Variants in NR2C2 observed in about 807,000 individuals in gnomAD.
NR2C2 encodes Nuclear hormone receptor TR4.
NR2C2 carries 6 observed loss-of-function variants against 62.9 expected under a neutral mutation model. The ratio of observed to expected loss-of-function variants is 0.10; its 90% CI spans 0.05 to 0.19. NR2C2 has a LOEUF of 0.19. NR2C2 is among the 10% of genes least tolerant of loss of function. The probability of loss-of-function intolerance (pLI) is 1.00; values close to 1 mark genes in which losing one functional copy is unlikely to be tolerated. For synonymous variants in NR2C2, 272 were observed against 273.8 expected (o/e 0.99, Z 0.07); for missense variants, 479 against 762.7 (o/e 0.63, Z 4.38).
At chr3:15,038,669 A>G (rs2042169882) in intron 12 of NR2C2, 1 of 168,522 alleles carries the variant, frequency 5.9e-6, no homozygotes, top group Admixed American at 5.6e-5. Flanking sequence ...CACTTAGGCT[A>G]ATTGTTCACC....
Position 15,024,198 on chromosome 3 carries a change from C to T in NR2C2, c.788C>T (p.Thr263Met), listed in dbSNP as rs145356913. The T allele has an allele frequency of 1.9e-5, 31 of 1,607,312 alleles. No homozygotes were observed. Among genetic ancestry groups the T allele is most frequent in the Admixed American group, 3.4e-5 (2 of 58,826 alleles). The change falls in exon 7 of 14, where the codon ACG (threonine) becomes ATG (methionine). Residue 263 changes from threonine to methionine, a missense_variant. Physicochemically the swap from Thr to Met is moderately conservative, Grantham distance 81. Around this residue, in one of 4 missense-constraint regions of NR2C2, gnomAD observed 151 missense variants for 176.1 expected, o/e 0.86. Coordinates refer to ENST00000425241, the MANE Select transcript of NR2C2 (RefSeq NM_001291694.2). ...GAGGATGGTACAGTTCTCCTGGCCACGGATTCTAAGGTGACGTTCTCTACT... is the reference window on the plus strand; with the variant it reads ...GAGGATGGTACAGTTCTCCTGGCCATGGATTCTAAGGTGACGTTCTCTACT... The part of the protein sequence containing the change: ...IREDGTVLLA[T>M]DSKAETSQGA...
At chr3:15,037,543 A>G (rs2042138041) in intron 11 of NR2C2, among the ~76,000 whole-genome samples, 1 of 152,198 alleles carries the variant, frequency 6.6e-6, no homozygotes. Flanking sequence ...TATGAATTCA[A>G]GTTCAGCCTG....
chr3:14,994,102 A>G (rs1285924602), intron 1 of NR2C2, among the ~76,000 whole-genome samples: 1 of 152,174 alleles, frequency 6.6e-6, no homozygotes, highest in Non-Finnish European at 1.5e-5. Flanking sequence ...TGTTTTAATG[A>G]CATAGAAAAC....
At position 15,045,799 on chromosome 3, in the gene NR2C2, G is replaced by C. The variant is rs547343923; in HGVS notation, c.*2791G>C. The C allele has an allele frequency of 1.3e-3, 201 of 152,632 alleles. No individual in the cohort carries two copies. The highest frequency in any genetic ancestry group is 4.5e-3 in the African/African-American group (189 of 41,576). The allele number at this position is 152,632 out of a possible 1,614,324, so 9.5% of individuals were successfully genotyped here. A position where few individuals can be genotyped will look rare whatever the true frequency, so the allele number is the denominator to read the frequency against. On this transcript the variant is annotated 3_prime_UTR_variant, in exon 14 of 14. Transcript: ENST00000425241. ...TTCATGAAGTGAGACCTGTCCTCTG[G>C]CTACTGAACTCCATGGAGCCACGTT...
intron 1 of NR2C2, among the ~76,000 whole-genome samples, chr3:14,969,857 C>T (rs998103344): frequency 1.3e-5 from 2 of 152,130 alleles, no homozygotes; most frequent in African/African-American, 2.4e-5. Flanking sequence ...ACTAACATTT[C>T]CATGTAAGGG....
chr3:15,034,202 G>C (rs2042048846), intron 10 of NR2C2: 1 of 152,734 alleles, frequency 6.5e-6, no homozygotes, highest in Non-Finnish European at 1.5e-5. Flanking sequence ...CCCTGCTTCA[G>C]TCTCGGATCC....
At chr3:15,042,352 A>C (rs1346691734) in intron 13 of NR2C2, 1 of 152,466 alleles carries the variant, frequency 6.6e-6, no homozygotes. Context: ...CCAGAGCCCA[A>C]CTGTTAGCGT....
chr3:15,004,080 T>A (rs1220814100), intron 2 of NR2C2, 94 bp downstream of exon 2: 3 of 1,016,594 alleles, frequency 3.0e-6, no homozygotes, highest in Non-Finnish European at 4.3e-6. Context: ...AGTTGTGCCT[T>A]TTGGGCATGA....
chr3:15,016,404 G>A (rs2041513285), intron 4 of NR2C2, 150 bp downstream of exon 4: 1 of 590,804 alleles, frequency 1.7e-6, no homozygotes, highest in African/African-American at 1.9e-5. Flanking sequence ...TTGGGGTAAT[G>A]ATGTAAATAA....
At position 15,008,548 on chromosome 3, in the gene NR2C2, G is replaced by T. The variant is rs542973437; in HGVS notation, c.72+4562G>T. Among the ~76,000 whole-genome samples, 98 of 152,088 alleles carry T rather than the reference G, an allele frequency of 6.4e-4. 1 individual carries two copies. Among genetic ancestry groups the T allele is most frequent in the Non-Finnish European group, 2.9e-4 (20 of 67,970 alleles). On this transcript the variant is annotated intron_variant, in intron 2 of 13. Coordinates refer to ENST00000425241, the MANE Select transcript of NR2C2 (RefSeq NM_001291694.2). ...AGAAAAAAAAAAAACAAAAACTTTGGGTACTCAAACAAAAGTTATCCAGTG... is the reference window on the plus strand; with the variant it reads ...AGAAAAAAAAAAAACAAAAACTTTGTGTACTCAAACAAAAGTTATCCAGTG...
In NR2C2 at chr3:15,034,633, A is replaced by G. The variant is rs1224505295; in HGVS notation, c.1233-37A>G. On this transcript the variant is annotated intron_variant, in intron 10 of 13. Coordinates refer to ENST00000425241, the MANE Select transcript of NR2C2 (RefSeq NM_001291694.2). Reference sequence around the variant, plus strand: ...GCCCCACAACCTTGGAGAAATGCCAACACACACCACACTCAGACTCCTTTC... The same window carrying G: ...GCCCCACAACCTTGGAGAAATGCCAGCACACACCACACTCAGACTCCTTTC... 5.0e-6 allele frequency: 8 copies of G among 1,605,004 alleles called. No homozygotes were observed. In the Admixed American group the frequency reaches 5.1e-5, roughly 10 times the overall value.
chr3:15,042,649 T>C, intron 13 of NR2C2, 185 bp from the exon 14 acceptor site: 1 of 568,932 alleles, frequency 1.8e-6, no homozygotes, highest in Non-Finnish European at 3.1e-6. Flanking sequence ...TTTGTACTCA[T>C]TTGGTTTTTT....
At position 15,043,372 on chromosome 3, in the gene NR2C2, AT is replaced by A. The variant is rs1344790105; in HGVS notation, c.*365del. The A allele has an allele frequency of 6.4e-5, 10 of 156,964 alleles. No individual in the cohort carries two copies. In the East Asian group the frequency reaches 1.5e-3, roughly 23 times the overall value. The allele number at this position is 156,964 out of a possible 1,614,324, so 9.7% of individuals were successfully genotyped here. On this transcript the variant is annotated 3_prime_UTR_variant, in exon 14 of 14. Coordinates refer to ENST00000425241, the MANE Select transcript of NR2C2 (RefSeq NM_001291694.2). ...GAATAGTATGTGTGTATATATATAT[AT>A]AAAAAAGTCCTTGGAATTATAGATA...
chr3:15,038,297 C>G (rs944866123), intron 12 of NR2C2, 160 bp downstream of exon 12: 9 of 660,686 alleles, frequency 1.4e-5, no homozygotes, highest in Non-Finnish European at 2.1e-5. Context: ...TACATAAACG[C>G]TTTTAAATTC....
At chr3:14,967,408 A>G (rs1366584395) in intron 1 of NR2C2, among the ~76,000 whole-genome samples, 1 of 152,116 alleles carries the variant, frequency 6.6e-6, no homozygotes, top group Non-Finnish European at 1.5e-5. Flanking sequence ...TAGAATGGCT[A>G]GAATATAAAA....
At chr3:15,037,239 G>GTGTT (rs1559310175) in intron 11 of NR2C2, among the ~76,000 whole-genome samples, 4 of 149,450 alleles carry the variant, frequency 2.7e-5, no homozygotes, top group East Asian at 1.9e-4. Context: ...GTGTGTGTGT[G>GTGTT]TTTTTGTTTT....
At chr3:14,970,412 TCAC>T (rs2040002637) in intron 1 of NR2C2, among the ~76,000 whole-genome samples, 1 of 152,202 alleles carries the variant, frequency 6.6e-6, no homozygotes. Context: ...TCTGTAACCA[TCAC>T]CACCATCCAT....
chr3:15,029,682 C>T (rs1267042496), intron 8 of NR2C2, among the ~76,000 whole-genome samples: 2 of 152,100 alleles, frequency 1.3e-5, no homozygotes, highest in African/African-American at 4.8e-5. Context: ...GGCCTAGGTG[C>T]AGTGGCTCAC....
chr3:15,001,531 C>T (rs1438372739), intron 1 of NR2C2, among the ~76,000 whole-genome samples: 1 of 151,886 alleles, frequency 6.6e-6, no homozygotes, highest in Admixed American at 6.6e-5. Context: ...GATGGGGTTT[C>T]ACCATGTTGG....
Sources: gnomAD v4.1 joint callset for allele counts (sites outside exome capture counted in the v4.1 genomes callset) on GRCh38, gnomAD v4.1.1 for gene constraint, gnomAD v4.1.1 regional missense constraint, MANE v1.5 for transcripts, NCBI Gene and HGNC (gene_info 2026-07-23, HGNC 2026-07-21) for gene names.